Variants in ODF2L observed in about 807,000 individuals in gnomAD.
ODF2L encodes the protein outer dense fiber of sperm tails 2 like.
A neutral mutation model predicts 86.3 loss-of-function variants in ODF2L; 76 were observed. The ratio of observed to expected loss-of-function variants is 0.88; its 90% CI spans 0.73 to 1.07. ODF2L has a LOEUF of 1.07. Ranked by LOEUF, ODF2L falls within the 50% of genes least tolerant of loss-of-function variation. The pLI is 0.00. For missense variants in ODF2L, 748 were observed against 717.4 expected (o/e 1.04, Z -0.49); for synonymous variants, 241 against 231.3 (o/e 1.04, Z -0.38).
intron 7 of ODF2L, among the ~76,000 whole-genome samples, chr1:86,381,504 T>C (rs1043439415): frequency 6.6e-6 from 1 of 152,058 alleles, no homozygotes; most frequent in Non-Finnish European, 1.5e-5. Context: ...TCTGCTATAA[T>C]TCAGGAGTGC....
At position 86,383,125 on chromosome 1, in the gene ODF2L, A is replaced by G; in HGVS notation, c.435+9T>C. On this transcript the variant is annotated intron_variant, in intron 5 of 17. Transcript: ENST00000317336. Reference sequence around the variant, plus strand: ...AGAATGGACACAAAGTAAGTGTGGAAAGACTTACAGTATTTTCACTTTCAT... The same window carrying G: ...AGAATGGACACAAAGTAAGTGTGGAGAGACTTACAGTATTTTCACTTTCAT... 2 of 1,533,068 alleles carry G rather than the reference A, an allele frequency of 1.3e-6. No homozygotes were observed. Among genetic ancestry groups the G allele is most frequent in the South Asian group, 2.3e-5 (2 of 86,284 alleles). The allele number at this position is 1,533,068 out of a possible 1,614,324, so 95.0% of individuals were successfully genotyped here.
intron 10 of ODF2L, among the ~76,000 whole-genome samples, chr1:86,369,679 A>G (rs1218923209): frequency 6.6e-6 from 1 of 152,190 alleles, no homozygotes; most frequent in Non-Finnish European, 1.5e-5. Context: ...ACAAGCTTTA[A>G]TTACTATACA....
At chr1:86,394,818 T>C (rs779261354) in intron 1 of ODF2L, among the ~76,000 whole-genome samples, 8 of 151,658 alleles carry the variant, frequency 5.3e-5, no homozygotes, top group Non-Finnish European at 8.8e-5. Flanking sequence ...CAGACAGGTT[T>C]TCTGCAGTTT....
chr1:86,366,140 G>C (rs1190581266), intron 11 of ODF2L, among the ~76,000 whole-genome samples: 1 of 151,882 alleles, frequency 6.6e-6, no homozygotes, highest in Admixed American at 6.6e-5. Flanking sequence ...TATCCATTTA[G>C]TTTTCTCCTG....
intron 7 of ODF2L, 107 bp downstream of exon 7, chr1:86,382,135 A>G (rs1391403259): frequency 3.0e-6 from 4 of 1,344,818 alleles, no homozygotes; most frequent in Non-Finnish European, 3.9e-6. Context: ...CCATGTCAAC[A>G]ACTGTGTATT....
chr1:86,364,847 G>A (rs1182102), intron 11 of ODF2L, among the ~76,000 whole-genome samples: 51,125 of 151,942 alleles, frequency 0.34, 8,872 homozygotes, highest in East Asian at 0.42. Context: ...CTTCTTCTAC[G>A]TAATAAACAT....
chr1:86,374,036 C>T (rs988327165), intron 8 of ODF2L, among the ~76,000 whole-genome samples: 1 of 152,174 alleles, frequency 6.6e-6, no homozygotes, highest in Admixed American at 6.6e-5. Flanking sequence ...TACATAAAAA[C>T]ACACTGGAAG....
chr1:86,357,769 T>C, intron 13 of ODF2L: 1 of 978,386 alleles, frequency 1.0e-6, no homozygotes, highest in East Asian at 1.1e-4. Flanking sequence ...ATAGTTGTCT[T>C]GTTAAATACT....
intron 11 of ODF2L, chr1:86,368,523 C>A (rs1299277272): frequency 4.1e-6 from 4 of 974,084 alleles, no homozygotes; most frequent in East Asian, 3.4e-5. Flanking sequence ...AAATTAAAAC[C>A]ATAGATAACA....
intron 1 of ODF2L, among the ~76,000 whole-genome samples, chr1:86,390,485 T>C (rs888885169): frequency 1.3e-5 from 2 of 152,084 alleles, no homozygotes; most frequent in South Asian, 2.1e-4. Context: ...TAATCCACCA[T>C]GATCAAGCAG....
exon 8 of ODF2L, chr1:86,376,362 C>CTCA (rs1264829065): frequency 6.2e-7 from 1 of 1,611,888 alleles, no homozygotes; most frequent in Admixed American, 1.7e-5. Context: ...TCACTATAGC[C>CTCA]TCATTCTTAT....
chr1:86,381,449 C>T (rs1660580788), intron 7 of ODF2L, among the ~76,000 whole-genome samples: 1 of 152,000 alleles, frequency 6.6e-6, no homozygotes, highest in Non-Finnish European at 1.5e-5. Context: ...CACACACACA[C>T]CCAAACTCGA....
chr1:86,390,240 G>A (rs1378640613), intron 1 of ODF2L, among the ~76,000 whole-genome samples: 2 of 152,150 alleles, frequency 1.3e-5, no homozygotes. Context: ...GGCCAAGATG[G>A]TGAAACTCTG....
chr1:86,356,383 G>A (rs1658560133), intron 14 of ODF2L, 61 bp downstream of exon 13: 3 of 1,430,720 alleles, frequency 2.1e-6, no homozygotes, highest in Admixed American at 4.1e-5. Flanking sequence ...CTCAACTGGT[G>A]AAATCATTCC....
Position 86,355,007 on chromosome 1 carries a change from T to C in ODF2L, c.1519-148A>G, listed in dbSNP as rs1448655553. 4 of 560,420 alleles carry C rather than the reference T, an allele frequency of 7.1e-6. No homozygotes were observed. The South Asian group carries it at 8.0e-5, about 11-fold the overall frequency. 34.7% of individuals were successfully genotyped at this position (560,420 alleles called of 1,614,324 possible). A position where few individuals can be genotyped will look rare whatever the true frequency, so the allele number is the denominator to read the frequency against. ...ACAGAAAGACACCAAGAAAATGTTATATTGTTAAAATGGAAGTTTTAAATT... is the reference window on the plus strand; with the variant it reads ...ACAGAAAGACACCAAGAAAATGTTACATTGTTAAAATGGAAGTTTTAAATT... On this transcript the variant is annotated intron_variant, in intron 14 of 17. Transcript: ENST00000317336.
intron 4 of ODF2L, 139 bp from the exon 5 acceptor site, chr1:86,383,335 T>C (rs1660714180): frequency 2.0e-6 from 1 of 492,862 alleles, no homozygotes; most frequent in Admixed American, 4.1e-5. Flanking sequence ...ACTGAAAAGA[T>C]TTTTGCCCTA....
At chr1:86,369,780 A>G (rs965553859) in intron 10 of ODF2L, among the ~76,000 whole-genome samples, 2 of 152,198 alleles carry the variant, frequency 1.3e-5, no homozygotes, top group Admixed American at 1.3e-4. Flanking sequence ...AAGACCTACA[A>G]TGGATAAAAT....
intron 3 of ODF2L, 53 bp downstream of exon 3, chr1:86,385,405 T>A: frequency 8.8e-7 from 1 of 1,130,574 alleles, no homozygotes; most frequent in Non-Finnish European, 1.3e-6. Flanking sequence ...AGTTAATGCA[T>A]TCTGAGTATT....
At chr1:86,353,863 C>T (rs1658333299) in intron 16 of ODF2L, among the ~76,000 whole-genome samples, 1 of 152,190 alleles carries the variant, frequency 6.6e-6, no homozygotes, top group Admixed American at 6.5e-5. Flanking sequence ...GGCACTCTCA[C>T]GTGGGCAGAA....
Sources: gnomAD v4.1 joint callset for allele counts (sites outside exome capture counted in the v4.1 genomes callset) on GRCh38, gnomAD v4.1.1 for gene constraint, MANE v1.5 for transcripts, NCBI Gene and HGNC (gene_info 2026-07-23, HGNC 2026-07-21) for gene names.